The following PER2 variants were observed in gnomAD, a reference collection of about 807,000 sequenced individuals.
PER2 encodes the protein period circadian protein homolog 2.
In PER2, 66 loss-of-function variants were observed where a neutral mutation model predicts 121.0. That is an observed-to-expected ratio of 0.55 (90% CI 0.45 to 0.67). The LOEUF (loss-of-function observed/expected upper bound fraction) is 0.67, where lower values mean the gene tolerates loss of function less well. Ranked by LOEUF, PER2 falls within the 30% of genes least tolerant of loss-of-function variation. The pLI, the probability that PER2 is intolerant of heterozygous loss-of-function variation, is 0.00. For missense variants in PER2, 1,521 were observed against 1,635.0 expected (o/e 0.93, Z 1.20); for synonymous variants, 684 against 659.9 (o/e 1.04, Z -0.56).
intron 10 of PER2, among the ~76,000 whole-genome samples, chr2:238,262,712 G>T (rs568042706): frequency 6.6e-6 from 1 of 152,242 alleles, no homozygotes; most frequent in South Asian, 2.1e-4. Context: ...AAGATGCTAC[G>T]GACTCAGGCC....
Position 238,260,678 on chromosome 2 carries a change from G to C in PER2, c.1542+150C>G, listed in dbSNP as rs1695898707. On this transcript the variant is annotated intron_variant, in intron 13 of 22. Transcript: ENST00000254657. ...CTTTCAACTCTTAAGAGATTAAAAA[G>C]TCCCAAGTGGACAAAGTTTAGAAAG... The C allele has an allele frequency of 7.3e-5, 61 of 834,030 alleles. 4 individuals are homozygous for C. The South Asian group carries it at 8.9e-4, about 12-fold the overall frequency. 51.7% of individuals were successfully genotyped at this position (834,030 alleles called of 1,614,324 possible). A position where few individuals can be genotyped will look rare whatever the true frequency, so the allele number is the denominator to read the frequency against.
At position 238,256,922 on chromosome 2, in the gene PER2, C is replaced by G; in HGVS notation, c.2065G>C (p.Glu689Gln). The G allele has an allele frequency of 6.2e-7, 1 of 1,613,962 alleles. No homozygotes were observed. The highest frequency in any genetic ancestry group is 8.5e-7 in the Non-Finnish European group (1 of 1,179,912). ...VGDKKPQPEL[E>Q]MVEDAASGPE... Reference sequence around the variant, plus strand: ...CTGATCCAAGAGCCCATAGTCATACCTAACTCCGGCTGCGGCTTCTTGTCT... The same window carrying G: ...CTGATCCAAGAGCCCATAGTCATACGTAACTCCGGCTGCGGCTTCTTGTCT... Residue 689 changes from glutamate to glutamine, a missense_variant and splice_region_variant, in exon 17 of 23, where the codon GAG (glutamate) becomes CAG (glutamine). Physicochemically the swap from Glu to Gln is conservative, Grantham distance 29. Transcript: ENST00000254657.
chr2:238,259,940 A>G, intron 14 of PER2, 29 bp downstream of exon 14: 1 of 1,045,788 alleles, frequency 9.6e-7, no homozygotes, highest in Admixed American at 1.9e-5. Context: ...TAGTTTCAGT[A>G]AGGAAATGTT....
At chr2:238,266,583 A>T (rs1401258268) in intron 8 of PER2, among the ~76,000 whole-genome samples, 2 of 152,242 alleles carry the variant, frequency 1.3e-5, no homozygotes, top group Non-Finnish European at 1.5e-5. Context: ...CAACATTTTC[A>T]TTCTTGAAGG....
chr2:238,272,432 T>G (rs998996803), intron 5 of PER2, among the ~76,000 whole-genome samples: 4 of 152,226 alleles, frequency 2.6e-5, no homozygotes, highest in African/African-American at 9.6e-5. Flanking sequence ...GCGCTCTACC[T>G]GCTGGCTGGC....
chr2:238,277,650 A>G, intron 2 of PER2, 57 bp downstream of exon 2: 1 of 1,593,754 alleles, frequency 6.3e-7, no homozygotes, highest in South Asian at 1.1e-5. Flanking sequence ...CACAGCAGAA[A>G]TGAGCCACTG....
In PER2 at chr2:238,250,721, G is replaced by A; in HGVS notation, c.3297C>T (p.Thr1099=). 6.2e-7 allele frequency: 1 copy of A among 1,613,550 alleles called. No homozygotes were observed. The highest frequency in any genetic ancestry group is 1.1e-5 in the South Asian group (1 of 91,050). Residue 1099 remains threonine, a synonymous_variant, in exon 21 of 23, where the codon ACC becomes ACT. Transcript: ENST00000254657. ...AGTCAATGCTTCCAAAATATTTGCT[G>A]GTATGACTTGTGTCACTACTGCCTT... ...SGAGSSDTSH[T]SKYFGSIDSS...
At chr2:238,257,609 G>C (rs1695802162) in intron 16 of PER2, among the ~76,000 whole-genome samples, 1 of 152,236 alleles carries the variant, frequency 6.6e-6, no homozygotes, top group Non-Finnish European at 1.5e-5. Context: ...AAGTAGCTGG[G>C]ATTACAGGCA....
chr2:238,265,731 C>A, intron 8 of PER2, 141 bp from the exon 9 acceptor site: 1 of 651,408 alleles, frequency 1.5e-6, no homozygotes, highest in Admixed American at 2.3e-5. Flanking sequence ...CTCTGAACAA[C>A]AGAGACTGCC....
At chr2:238,260,531 C>T (rs1403624458) in intron 13 of PER2, among the ~76,000 whole-genome samples, 1 of 152,250 alleles carries the variant, frequency 6.6e-6, no homozygotes, top group Admixed American at 6.5e-5. Context: ...GCTGGGATTA[C>T]AGGTGTGAAT....
At chr2:238,287,177 G>A (rs1465080381) in intron 1 of PER2, among the ~76,000 whole-genome samples, 1 of 152,130 alleles carries the variant, frequency 6.6e-6, no homozygotes, top group Admixed American at 6.5e-5. Flanking sequence ...CGTTAGTTCT[G>A]TACCAATGAA....
chr2:238,257,157 C>T (rs1369003357), intron 16 of PER2, 71 bp from the exon 17 acceptor site: 1 of 1,420,936 alleles, frequency 7.0e-7, no homozygotes, highest in Admixed American at 1.9e-5. Context: ...GAAACCGACA[C>T]CCAAGTGCCC....
Position 238,275,734 on chromosome 2 carries a change from C to A in PER2, c.448+9G>T. On this transcript the variant is annotated intron_variant, in intron 4 of 22. Transcript: ENST00000254657. ...ATAGGTTTGGAGCAGATGTGCGAGG[C>A]CGACGTACCTTTCACCTGCTTCACG... is the stretch of plus-strand genomic sequence containing the variant. The A allele has an allele frequency of 6.2e-7, 1 of 1,613,282 alleles. No homozygotes were observed. Among genetic ancestry groups the A allele is most frequent in the East Asian group, 2.2e-5 (1 of 44,888 alleles).
intron 22 of PER2, among the ~76,000 whole-genome samples, chr2:238,246,847 G>A (rs1170875422): frequency 1.3e-5 from 2 of 152,196 alleles, no homozygotes; most frequent in Non-Finnish European, 2.9e-5. Flanking sequence ...CTGTGCTCCA[G>A]CCTGGGCGAC....
chr2:238,265,133 C>A (rs1180594631), intron 9 of PER2, among the ~76,000 whole-genome samples: 3 of 152,204 alleles, frequency 2.0e-5, no homozygotes, highest in African/African-American at 7.2e-5. Flanking sequence ...AAAATCCTGT[C>A]CCCTGGAGAA....
At chr2:238,296,074 C>T in the PER2 span, among the ~76,000 whole-genome samples, 1 of 90,502 alleles carries the variant, frequency 1.1e-5, no homozygotes, top group Admixed American at 1.1e-4. Context: ...CAGAGTCAGT[C>T]GTGTGCCCTC....
Position 238,262,164 on chromosome 2 carries a change from G to A in PER2, c.1307+27C>T, listed in dbSNP as rs1695952790. ...CGAGACCCCCGCCCAAGACCCCTGA[G>A]CCACCTCGGGCCCTTGGAGCACTCA... On this transcript the variant is annotated intron_variant, in intron 11 of 22. Transcript: ENST00000254657. The A allele has an allele frequency of 6.2e-6, 10 of 1,611,114 alleles. 1 individual carries two copies. The Admixed American group carries it at 1.7e-4, about 27-fold the overall frequency.
rs369518698 is a variant in PER2 at position 238,251,566 on chromosome 2, C to G, written c.3274+33G>C. 100 of 1,607,240 alleles carry G rather than the reference C, an allele frequency of 6.2e-5. No homozygotes were observed. The African/African-American group carries it at 1.1e-3, about 17-fold the overall frequency. On this transcript the variant is annotated intron_variant, in intron 20 of 22. Coordinates refer to ENST00000254657, the MANE Select transcript of PER2 (RefSeq NM_022817.3). ...AGCAGTGCATCCTGCAGGAACCTCCCAAGTGCCTAACACCCCGCCAGGGCC... is the reference window on the plus strand; with the variant it reads ...AGCAGTGCATCCTGCAGGAACCTCCGAAGTGCCTAACACCCCGCCAGGGCC...
chr2:238,274,018 A>G (rs1376647557), intron 4 of PER2, among the ~76,000 whole-genome samples: 3 of 152,204 alleles, frequency 2.0e-5, no homozygotes, highest in Non-Finnish European at 4.4e-5. Flanking sequence ...ACAGGACCAC[A>G]TGGCAACCCC....
Sources: gnomAD v4.1 joint callset for allele counts (sites outside exome capture counted in the v4.1 genomes callset) on GRCh38, gnomAD v4.1.1 for gene constraint, MANE v1.5 for transcripts, NCBI Gene and HGNC (gene_info 2026-07-23, HGNC 2026-07-21) for gene names.